The following EPB41L4B variants were observed in gnomAD, a reference collection of about 807,000 sequenced individuals.
EPB41L4B encodes the protein erythrocyte membrane protein band 4.1 like 4B.
In EPB41L4B, 30 loss-of-function variants were observed where a neutral mutation model predicts 112.5. That is an observed-to-expected ratio of 0.27 (90% CI 0.20 to 0.36). EPB41L4B has a LOEUF of 0.36. EPB41L4B is among the 10% of genes least tolerant of loss of function. The pLI, the probability that EPB41L4B is intolerant of heterozygous loss-of-function variation, is 1.00. For missense variants in EPB41L4B, 1,024 were observed against 1,133.3 expected (o/e 0.90, Z 1.38); for synonymous variants, 408 against 439.7 (o/e 0.93, Z 0.90).
In EPB41L4B at chr9:109,207,940, G is replaced by A; in HGVS notation, c.1862C>T (p.Ser621Phe). Reference sequence around the variant, plus strand: ...TCTGCGCACCTGGATGTTCACTCGGGAAGCATTTTCCAACTGGGCTTTCAG... The same window carrying A: ...TCTGCGCACCTGGATGTTCACTCGGAAAGCATTTTCCAACTGGGCTTTCAG... ...NILKAQLENA[S>F]RVNIQGGKEE... The change falls in exon 18 of 26, where the codon TCC becomes TTC. Residue 621 changes from serine (S) to phenylalanine (F), a missense_variant. Transcript: ENST00000374566. 2 of 1,614,124 alleles carry A rather than the reference G, an allele frequency of 1.2e-6. No homozygotes were observed. Among genetic ancestry groups the A allele is most frequent in the Non-Finnish European group, 1.7e-6 (2 of 1,180,010 alleles).
intron 1 of EPB41L4B, among the ~76,000 whole-genome samples, chr9:109,296,622 A>C (rs984660257): frequency 1.4e-4 from 22 of 152,272 alleles, no homozygotes; most frequent in South Asian, 1.0e-3. Flanking sequence ...GCAGTGGCTC[A>C]CATCTGTAAT....
rs1475804924 is a variant in EPB41L4B, at chr9:109,173,435, T to G, written c.*1119A>C. 2 of 152,158 alleles carry G rather than the reference T, an allele frequency of 1.3e-5. No homozygotes were observed. The highest frequency in any genetic ancestry group is 2.9e-5 in the Non-Finnish European group (2 of 67,946). 9.4% of individuals were successfully genotyped at this position (152,158 alleles called of 1,614,324 possible). A position where few individuals can be genotyped will look rare whatever the true frequency, so the allele number is the denominator to read the frequency against. On this transcript the variant is annotated 3_prime_UTR_variant, in exon 26 of 26. Coordinates refer to ENST00000374566, the MANE Select transcript of EPB41L4B (RefSeq NM_019114.5). Reference sequence around the variant, plus strand: ...AGTTTTTTTTTTTTACAGACATTCATAGCAGCACTATTTATAAGAGTGAAA... The same window carrying G: ...AGTTTTTTTTTTTTACAGACATTCAGAGCAGCACTATTTATAAGAGTGAAA...
At chr9:109,312,817 C>CG (rs1463024408) in intron 1 of EPB41L4B, among the ~76,000 whole-genome samples, 2 of 152,176 alleles carry the variant, frequency 1.3e-5, no homozygotes, top group Non-Finnish European at 2.9e-5. Context: ...CCAAGGAACC[C>CG]GGAGCCCAGG....
chr9:109,174,741 G>A, intron 25 of EPB41L4B, 118 bp from the exon 26 acceptor site: 1 of 761,336 alleles, frequency 1.3e-6, no homozygotes, highest in Non-Finnish European at 2.1e-6. Flanking sequence ...TTCTTTTTTA[G>A]ACTCCTTGAG....
chr9:109,212,525 A>G (rs1029683782), intron 17 of EPB41L4B, among the ~76,000 whole-genome samples: 1 of 152,206 alleles, frequency 6.6e-6, no homozygotes, highest in Admixed American at 6.5e-5. Context: ...GTTGGGGTCC[A>G]TTAGTAATCA....
At chr9:109,208,094 G>A (rs1175009957) in intron 17 of EPB41L4B, 45 bp from the exon 18 acceptor site, 2 of 1,610,964 alleles carry the variant, frequency 1.2e-6, no homozygotes, top group East Asian at 2.2e-5. Flanking sequence ...AACAAAGAGA[G>A]AACCATGTGC....
chr9:109,307,219 A>C, intron 1 of EPB41L4B: 1 of 494,548 alleles, frequency 2.0e-6, no homozygotes, highest in South Asian at 1.5e-5. Context: ...GACAGCATTA[A>C]ATTTTTCCTT....
At chr9:109,184,821 C>T (rs917735022) in intron 23 of EPB41L4B, among the ~76,000 whole-genome samples, 2 of 152,160 alleles carry the variant, frequency 1.3e-5, no homozygotes, top group South Asian at 2.1e-4. Context: ...GCGAACAAAG[C>T]GCACATCCTG....
At position 109,258,240 on chromosome 9, in the gene EPB41L4B, C is replaced by T. The variant is rs374382947; in HGVS notation, c.689G>A (p.Arg230Gln). 2.0e-5 allele frequency: 33 copies of T among 1,613,870 alleles called. No homozygotes were observed. Among genetic ancestry groups the T allele is most frequent in the Admixed American group, 5.0e-5 (3 of 59,994 alleles). The change falls in exon 7 of 26, where the codon CGG becomes CAG. Residue 230 changes from arginine to glutamine, a missense_variant. By Grantham distance (43) the Arg-to-Gln change is conservative. Coordinates refer to ENST00000374566, the MANE Select transcript of EPB41L4B (RefSeq NM_019114.5). ...EHTPELVSEF[R>Q]FIPNQTEAME... ...TGCTTCTGTCTGATTTGGAATGAAC[C>T]GAAACTCAGACACAAGCTCTGGTGT...
At chr9:109,273,394 G>C (rs1008473630) in intron 2 of EPB41L4B, among the ~76,000 whole-genome samples, 3 of 152,110 alleles carry the variant, frequency 2.0e-5, no homozygotes, top group Non-Finnish European at 4.4e-5. Context: ...TTACAGGCAT[G>C]TGCCACCACG....
At chr9:109,239,262 T>C (rs1454599421) in intron 15 of EPB41L4B, among the ~76,000 whole-genome samples, 1 of 151,706 alleles carries the variant, frequency 6.6e-6, no homozygotes, top group Non-Finnish European at 1.5e-5. Context: ...GGGAGAAGAG[T>C]TGTAGATGAT....
intron 1 of EPB41L4B, among the ~76,000 whole-genome samples, chr9:109,287,159 A>G (rs2119164150): frequency 6.6e-6 from 1 of 152,348 alleles, no homozygotes; most frequent in South Asian, 2.1e-4. Flanking sequence ...CCAGCAGGAC[A>G]AGGGATGGAC....
intron 1 of EPB41L4B, among the ~76,000 whole-genome samples, chr9:109,287,752 G>A (rs1836351494): frequency 1.3e-5 from 2 of 152,062 alleles, no homozygotes; most frequent in South Asian, 4.2e-4. Context: ...TCCCACCTCA[G>A]CCTCCCGAGT....
intron 1 of EPB41L4B, among the ~76,000 whole-genome samples, chr9:109,304,959 A>G (rs1218674681): frequency 6.6e-6 from 1 of 152,126 alleles, no homozygotes; most frequent in Non-Finnish European, 1.5e-5. Context: ...CCAGATAGTA[A>G]TGATGGTTTC....
At chr9:109,182,837 A>G in intron 23 of EPB41L4B, 40 bp from the exon 24 acceptor site, 1 of 1,449,756 alleles carries the variant, frequency 6.9e-7, no homozygotes, top group Non-Finnish European at 9.7e-7. Flanking sequence ...CCTTCAGATT[A>G]GAAAACAAAG....
intron 2 of EPB41L4B, among the ~76,000 whole-genome samples, chr9:109,279,311 G>A (rs2119132467): frequency 6.6e-6 from 1 of 152,036 alleles, no homozygotes; most frequent in Non-Finnish European, 1.5e-5. Context: ...TGACCATCTG[G>A]GTTCAATCAA....
At chr9:109,203,100 G>A (rs1832888276) in intron 19 of EPB41L4B, among the ~76,000 whole-genome samples, 1 of 152,166 alleles carries the variant, frequency 6.6e-6, no homozygotes, top group South Asian at 2.1e-4. Flanking sequence ...GTTGCAGTGA[G>A]CCGAGATCGC....
chr9:109,298,620 C>T (rs955868841), intron 1 of EPB41L4B, among the ~76,000 whole-genome samples: 11 of 152,168 alleles, frequency 7.2e-5, no homozygotes, highest in Non-Finnish European at 1.3e-4. Context: ...CCCATATACG[C>T]ATTTTTAAAA....
At chr9:109,258,123 CTTAT>C in intron 7 of EPB41L4B, 50 bp downstream of exon 7, 2 of 1,572,216 alleles carry the variant, frequency 1.3e-6, no homozygotes, top group African/African-American at 1.3e-5. Flanking sequence ...GTGATCAACA[CTTAT>C]TTATGACAAA....
Sources: allele counts gnomAD v4.1 joint callset (sites outside exome capture counted in the v4.1 genomes callset), GRCh38; gene constraint gnomAD v4.1.1; transcripts MANE v1.5; gene names NCBI Gene and HGNC (gene_info 2026-07-23, HGNC 2026-07-21).